SEMA7A: variants seen among roughly 807,000 people sequenced by gnomAD.
SEMA7A encodes semaphorin 7A (JohnMiltonHagen blood group).
SEMA7A carries 21 observed loss-of-function variants against 67.5 expected under a neutral mutation model. The ratio of observed to expected loss-of-function variants is 0.31; its 90% CI spans 0.22 to 0.45. SEMA7A has a LOEUF of 0.45. SEMA7A is among the 20% of genes least tolerant of loss of function. The pLI is 1.00. For missense variants in SEMA7A, 774 were observed against 908.6 expected, an observed-to-expected ratio of 0.85 and a Z score of 1.90; for synonymous variants, 364 against 368.5, an observed-to-expected ratio of 0.99 and a Z score of 0.14.
intron 1 of SEMA7A, among the ~76,000 whole-genome samples, chr15:74,420,260 C>T (rs1454313362): frequency 6.6e-6 from 1 of 152,204 alleles, no homozygotes; most frequent in Non-Finnish European, 1.5e-5. Context: ...AAGAAACATC[C>T]CTTCATGGCC....
rs1264610714 is a variant in SEMA7A, at chr15:74,417,926, C to T, written c.416G>A (p.Gly139Glu). 1.2e-6 allele frequency: 2 copies of T among 1,613,326 alleles called. No homozygotes were observed. The highest frequency in any genetic ancestry group is 1.7e-6 in the Non-Finnish European group (2 of 1,180,008). Residue 139 changes from glycine (G) to glutamate (E), a missense_variant, in exon 4 of 14, where the codon GGG becomes GAG. By Grantham distance (98) the Gly-to-Glu change is moderately conservative. Coordinates refer to ENST00000261918, the MANE Select transcript of SEMA7A (RefSeq NM_003612.5). ...GGCGTTGGTGCCACAGGCCAGCAGC[C>T]CCTCACTCCGCCTCTCCAGGAGAGT... ...YITLLERRSE[G>E]LLACGTNARH...
At chr15:74,430,643 T>C (rs2061080644) in intron 1 of SEMA7A, among the ~76,000 whole-genome samples, 1 of 152,184 alleles carries the variant, frequency 6.6e-6, no homozygotes, top group Non-Finnish European at 1.5e-5. Context: ...CCTGGTGACC[T>C]CACCAAGCAT....
rs372132191 is a variant in SEMA7A at position 74,414,979 on chromosome 15, G to T, written c.987-33C>A. 4 of 1,576,392 alleles carry T rather than the reference G, an allele frequency of 2.5e-6. No individual in the cohort carries two copies. In the African/African-American group the frequency reaches 4.1e-5, roughly 16 times the overall value. ...GACATGGAGACCAGCTCAATGGGGG[G>T]CCCAGAACCCACCCATCCACCTCCA... On this transcript the variant is annotated intron_variant, in intron 8 of 13. Coordinates refer to ENST00000261918, the MANE Select transcript of SEMA7A (RefSeq NM_003612.5). This position sits in a 1 kb window ranked among gnomAD's most constrained non-coding sequence, Gnocchi z 4.1.
intron 1 of SEMA7A, among the ~76,000 whole-genome samples, chr15:74,420,046 C>T (rs2060986694): frequency 6.6e-6 from 1 of 152,198 alleles, no homozygotes; most frequent in Non-Finnish European, 1.5e-5. Flanking sequence ...GGTCTGACCA[C>T]TGTTTTTTCA....
At chr15:74,430,693 T>C (rs920569059) in intron 1 of SEMA7A, among the ~76,000 whole-genome samples, 1 of 152,162 alleles carries the variant, frequency 6.6e-6, no homozygotes, top group Non-Finnish European at 1.5e-5. Context: ...CTCCGGGGAA[T>C]TGCCCCCCCA....
At chr15:74,426,732 C>T (rs2061046783) in intron 1 of SEMA7A, among the ~76,000 whole-genome samples, 1 of 152,140 alleles carries the variant, frequency 6.6e-6, no homozygotes, top group African/African-American at 2.4e-5. Flanking sequence ...GCTATGAATG[C>T]ACCACTGTAC....
At chr15:74,428,765 C>A (rs574720064) in intron 1 of SEMA7A, among the ~76,000 whole-genome samples, 1 of 152,162 alleles carries the variant, frequency 6.6e-6, no homozygotes, top group Admixed American at 6.5e-5. Flanking sequence ...AGAGGTCCTC[C>A]GGGAGGCTGG....
chr15:74,429,420 C>T (rs766175167), intron 1 of SEMA7A, among the ~76,000 whole-genome samples: 31 of 152,222 alleles, frequency 2.0e-4, no homozygotes, highest in Admixed American at 5.2e-4. Flanking sequence ...ATCCATGCCA[C>T]CCCCACCCTG....
Position 74,417,321 on chromosome 15 carries a change from G to A in SEMA7A, c.661+14C>T, listed in dbSNP as rs775299647. On this transcript the variant is annotated intron_variant, in intron 6 of 13. Transcript: ENST00000261918. ...CCCCTTGCCCACCCTCAGCCCAGCC[G>A]GAGCCTGACTCACTCTGCATGACAG... 1.9e-5 allele frequency: 31 copies of A among 1,606,902 alleles called. No homozygotes were observed. The highest frequency in any genetic ancestry group is 1.1e-4 in the East Asian group (5 of 44,870).
Position 74,414,596 on chromosome 15 carries a change from G to A in SEMA7A, c.1245C>T (p.Arg415=), listed in dbSNP as rs747513642. 3.1e-6 allele frequency: 5 copies of A among 1,614,232 alleles called. No homozygotes were observed. The highest frequency in any genetic ancestry group is 2.2e-5 in the East Asian group (1 of 44,884). The change falls in exon 10 of 14, where the codon CGC becomes CGT. Residue 415 remains arginine (R), a synonymous_variant. Transcript: ENST00000261918. The surrounding 1 kb of genome is among the most constrained non-coding windows in gnomAD (Gnocchi z 4.1). ...AGGTCTCCCCGTGGCTGGCTTGCATGCGGTGGACGGCCACTTTCTGGTAGT... is the reference window on the plus strand; with the variant it reads ...AGGTCTCCCCGTGGCTGGCTTGCATACGGTGGACGGCCACTTTCTGGTAGT... The part of the protein sequence containing the change: ...KYHYQKVAVH[R]MQASHGETFH...
chr15:74,422,347 G>C (rs1253153217), intron 1 of SEMA7A, among the ~76,000 whole-genome samples: 1 of 152,058 alleles, frequency 6.6e-6, no homozygotes, highest in Non-Finnish European at 1.5e-5. Context: ...TGACGCATTA[G>C]TGGCTAAGTG....
Position 74,425,718 on chromosome 15 carries a change from G to A in SEMA7A, c.179-6766C>T, listed in dbSNP as rs577315651. Among the ~76,000 whole-genome samples, 23 of 152,260 alleles carry A rather than the reference G, an allele frequency of 1.5e-4. No homozygotes were observed. The East Asian group carries it at 1.7e-3, about 11-fold the overall frequency. On this transcript the variant is annotated intron_variant, in intron 1 of 13. Transcript: ENST00000261918. ...CTGGGTTTTCTCACACTAGAAGCAG[G>A]GCTCAGTCAACCTTGACACCGTTTC...
chr15:74,427,692 A>G (rs1226933128), intron 1 of SEMA7A, among the ~76,000 whole-genome samples: 1 of 152,032 alleles, frequency 6.6e-6, no homozygotes, highest in Non-Finnish European at 1.5e-5. Flanking sequence ...CCCTAGCTCT[A>G]GCCTGGCTCC....
intron 5 of SEMA7A, 70 bp downstream of exon 5, chr15:74,417,521 A>T: frequency 6.3e-7 from 1 of 1,583,794 alleles, no homozygotes; most frequent in South Asian, 1.1e-5. Context: ...CTGGACAAAG[A>T]GCTGACCACT....
chr15:74,418,104 CCA>C, intron 3 of SEMA7A, 135 bp from the exon 4 acceptor site: 2 of 1,183,814 alleles, frequency 1.7e-6, no homozygotes, highest in East Asian at 4.9e-5. Context: ...CCGGGACAGC[CCA>C]GAGTGTGTGC....
chr15:74,428,193 C>T (rs910455868), intron 1 of SEMA7A, among the ~76,000 whole-genome samples: 2 of 152,250 alleles, frequency 1.3e-5, no homozygotes, highest in African/African-American at 4.8e-5. Context: ...AGGACACTCA[C>T]AGCTGGTGTG....
At chr15:74,413,226 A>T (rs1596187711) in intron 10 of SEMA7A, among the ~76,000 whole-genome samples, 1 of 152,158 alleles carries the variant, frequency 6.6e-6, no homozygotes, top group Admixed American at 6.5e-5. Flanking sequence ...CTCCTTCCAA[A>T]CCAGCCCCAG....
rs1567068778 is a variant in SEMA7A at position 74,410,809 on chromosome 15, G to C, written c.1816C>G (p.Gln606Glu). 1 of 1,614,244 alleles carries C rather than the reference G, an allele frequency of 6.2e-7. No homozygotes were observed. The highest frequency in any genetic ancestry group is 8.5e-7 in the Non-Finnish European group (1 of 1,180,052). ...TCGCAGAAGTAGTGGCCGTACTGCT[G>C]CGCCGTGAGGTTCTCGATGAACAGG... ...CILFIENLTA[Q>E]QYGHYFCEAQ... The change falls in exon 14 of 14, where the codon CAG (glutamine) becomes GAG (glutamate). Residue 606 changes from glutamine (Q) to glutamate (E), a missense_variant. Physicochemically the swap from Gln to Glu is conservative, Grantham distance 29. Coordinates refer to ENST00000261918, the MANE Select transcript of SEMA7A (RefSeq NM_003612.5). This position sits in a 1 kb window ranked among gnomAD's most constrained non-coding sequence, Gnocchi z 7.5.
Position 74,417,572 on chromosome 15 carries a change from T to C in SEMA7A, c.550+19A>G. 6.2e-7 allele frequency: 1 copy of C among 1,608,540 alleles called. No individual in the cohort carries two copies. The highest frequency in any genetic ancestry group is 8.5e-7 in the Non-Finnish European group (1 of 1,176,636). On this transcript the variant is annotated intron_variant, in intron 5 of 13. Transcript: ENST00000261918. ...TTCAGAAGCATCCCCCTGGGGCGCCTGCTCCAGCACTGCCCTACCTTCAAA... is the reference window on the plus strand; with the variant it reads ...TTCAGAAGCATCCCCCTGGGGCGCCCGCTCCAGCACTGCCCTACCTTCAAA...
Sources: allele counts gnomAD v4.1 joint callset (sites outside exome capture counted in the v4.1 genomes callset), GRCh38; gene constraint gnomAD v4.1.1; non-coding constraint Gnocchi (gnomAD v3.1); transcripts MANE v1.5; gene names NCBI Gene and HGNC (gene_info 2026-07-23, HGNC 2026-07-21).